The following PCSK2 variants were observed in gnomAD, a reference collection of about 807,000 sequenced individuals.
PCSK2 encodes neuroendocrine convertase 2.
In PCSK2, 14 loss-of-function variants were observed where a neutral mutation model predicts 69.7. The observed-to-expected ratio is 0.20, with a 90% CI of 0.13 to 0.31. PCSK2 has a LOEUF of 0.31. Ranked by LOEUF, PCSK2 falls within the 10% of genes least tolerant of loss-of-function variation. The pLI is 1.00. For synonymous variants in PCSK2, 307 were observed against 320.7 expected, an observed-to-expected ratio of 0.96 and a Z score of 0.46; for missense variants, 544 against 842.5, an observed-to-expected ratio of 0.65 and a Z score of 4.39.
At position 17,270,696 on chromosome 20, in the gene PCSK2, G is replaced by C. The variant is rs571771695; in HGVS notation, c.282+10352G>C. On this transcript the variant is annotated intron_variant, in intron 2 of 11. Coordinates refer to ENST00000262545, the MANE Select transcript of PCSK2 (RefSeq NM_002594.5). ...TAGTTTAATGGATGTTAATTTTTAA[G>C]GACAACTTAGAGAATCAACATGAGA... Among the ~76,000 whole-genome samples, 3 of 152,238 alleles carry C rather than the reference G, an allele frequency of 2.0e-5. No homozygotes were observed. In the East Asian group the frequency reaches 5.8e-4, roughly 29 times the overall value.
chr20:17,282,409 G>T (rs1988350250), intron 2 of PCSK2, among the ~76,000 whole-genome samples: 1 of 152,130 alleles, frequency 6.6e-6, no homozygotes, highest in African/African-American at 2.4e-5. Context: ...GCTTTAAGAA[G>T]AAATATCGAT....
At chr20:17,378,428 T>TCGAC (rs2030990755) in intron 5 of PCSK2, among the ~76,000 whole-genome samples, 2 of 152,284 alleles carry the variant, frequency 1.3e-5, no homozygotes, top group East Asian at 3.9e-4. Flanking sequence ...CTAAAGCCCT[T>TCGAC]CGACAGATTC....
intron 9 of PCSK2, among the ~76,000 whole-genome samples, chr20:17,455,104 T>A (rs1392671912): frequency 6.6e-6 from 1 of 151,968 alleles, no homozygotes; most frequent in Admixed American, 6.6e-5. Flanking sequence ...GACACTTCAC[T>A]CTCACGCCTG....
chr20:17,335,066 C>A (rs1990305966), intron 2 of PCSK2, among the ~76,000 whole-genome samples: 1 of 152,130 alleles, frequency 6.6e-6, no homozygotes, highest in African/African-American at 2.4e-5. Context: ...AGCAAATTAC[C>A]CCAGAGCCTA....
chr20:17,351,293 C>T (rs898132738), intron 2 of PCSK2, among the ~76,000 whole-genome samples: 1 of 151,886 alleles, frequency 6.6e-6, no homozygotes, highest in South Asian at 2.1e-4. Context: ...TTAACTAGTA[C>T]CAATTCTATG....
chr20:17,356,458 A>G (rs1056724622), intron 2 of PCSK2, among the ~76,000 whole-genome samples: 4 of 152,148 alleles, frequency 2.6e-5, no homozygotes, highest in African/African-American at 9.7e-5. Context: ...CAGTGTGCAG[A>G]GTAAAGAAGT....
intron 10 of PCSK2, 105 bp downstream of exon 10, chr20:17,456,553 G>C: frequency 2.9e-6 from 2 of 695,312 alleles, no homozygotes; most frequent in Non-Finnish European, 5.1e-6. Flanking sequence ...TGATGTGAGA[G>C]GCCATGAATA....
chr20:17,285,698 A>G (rs1400141696), intron 2 of PCSK2, among the ~76,000 whole-genome samples: 2 of 152,200 alleles, frequency 1.3e-5, no homozygotes, highest in Non-Finnish European at 2.9e-5. Flanking sequence ...AAGTGCCAAA[A>G]CATGTACAAA....
intron 1 of PCSK2, among the ~76,000 whole-genome samples, chr20:17,249,483 G>A (rs1249856909): frequency 6.8e-6 from 1 of 146,724 alleles, no homozygotes; most frequent in Non-Finnish European, 1.5e-5. Flanking sequence ...CTCCAGACTG[G>A]GAGAGAGCGA....
chr20:17,248,408 A>C lies in PCSK2; in HGVS notation c.178-11832A>C, dbSNP rs138303290. 4.9e-3 allele frequency among the ~76,000 whole-genome samples: 751 copies of C among 152,290 alleles called. 5 individuals are homozygous for C. The highest frequency in any genetic ancestry group is 0.034 in the South Asian group (164 of 4,830). Reference sequence around the variant, plus strand: ...TTACATCCTTGAGGTCTGTGTAGGCAGCAAGTACCTTATACTACTGTAAGT... The same window carrying C: ...TTACATCCTTGAGGTCTGTGTAGGCCGCAAGTACCTTATACTACTGTAAGT... On this transcript the variant is annotated intron_variant, in intron 1 of 11. Transcript: ENST00000262545.
At chr20:17,276,466 A>G (rs573253796) in intron 2 of PCSK2, among the ~76,000 whole-genome samples, 1 of 152,066 alleles carries the variant, frequency 6.6e-6, no homozygotes, top group South Asian at 2.1e-4. Context: ...ACACACACAC[A>G]CACACACACA....
At chr20:17,347,879 AG>A (rs1643485462) in intron 2 of PCSK2, among the ~76,000 whole-genome samples, 9 of 3,196 alleles carry the variant, frequency 2.8e-3, no homozygotes, top group Admixed American at 4.5e-3. Context: ...GAAAAAAGAA[AG>A]AAAGAAAGAA....
intron 1 of PCSK2, 133 bp from the exon 2 acceptor site, chr20:17,260,107 G>A (rs1264809890): frequency 1.5e-6 from 1 of 673,864 alleles, no homozygotes; most frequent in East Asian, 2.5e-5. Context: ...GGACTGACAG[G>A]AGGTTTGCCA....
At chr20:17,418,810 G>A (rs1244829763) in intron 6 of PCSK2, among the ~76,000 whole-genome samples, 1 of 152,136 alleles carries the variant, frequency 6.6e-6, no homozygotes. Flanking sequence ...GCAGAGTTGG[G>A]GCTCTTGAGA....
At chr20:17,246,725 T>C (rs1308827172) in intron 1 of PCSK2, among the ~76,000 whole-genome samples, 1 of 151,786 alleles carries the variant, frequency 6.6e-6, no homozygotes, top group African/African-American at 2.4e-5. Context: ...CTAGTGGTCC[T>C]AGGCTGTCAA....
At chr20:17,233,771 T>G (rs981629987) in intron 1 of PCSK2, among the ~76,000 whole-genome samples, 1 of 152,198 alleles carries the variant, frequency 6.6e-6, no homozygotes, top group Admixed American at 6.5e-5. Context: ...CTTCATGGGC[T>G]GCAGCAAGAC....
intron 1 of PCSK2, among the ~76,000 whole-genome samples, chr20:17,246,322 C>T (rs1986770061): frequency 6.6e-6 from 1 of 152,166 alleles, no homozygotes; most frequent in Admixed American, 6.5e-5. Context: ...AGAACTATTT[C>T]CTTACTATAA....
At chr20:17,438,490 T>C (rs1182053303) in intron 8 of PCSK2, among the ~76,000 whole-genome samples, 2 of 151,948 alleles carry the variant, frequency 1.3e-5, no homozygotes, top group East Asian at 3.9e-4. Context: ...TGGCCCGGGG[T>C]TTGAGAACAT....
chr20:17,228,950 C>T (rs534731861), intron 1 of PCSK2, among the ~76,000 whole-genome samples: 3 of 152,134 alleles, frequency 2.0e-5, no homozygotes, highest in African/African-American at 7.2e-5. Flanking sequence ...GGGAGCACCC[C>T]GCTGTGGTTT....
Sources: gnomAD v4.1 joint callset for allele counts (sites outside exome capture counted in the v4.1 genomes callset) on GRCh38, gnomAD v4.1.1 for gene constraint, MANE v1.5 for transcripts, NCBI Gene and HGNC (gene_info 2026-07-23, HGNC 2026-07-21) for gene names.